Variants in PLEKHA7 observed in about 807,000 individuals in gnomAD.
The protein encoded by PLEKHA7 is pleckstrin homology domain containing A7, also known as pleckstrin homology domain-containing family A member 7.
Under a neutral mutation model 170.0 loss-of-function variants are expected in PLEKHA7, and 104 were observed. The observed-to-expected ratio is 0.61, with a 90% CI of 0.52 to 0.72. PLEKHA7 has a LOEUF of 0.72. Ranked by LOEUF, PLEKHA7 falls within the 30% of genes least tolerant of loss-of-function variation. The probability of loss-of-function intolerance (pLI) is 0.00; values close to 1 mark genes in which losing one functional copy is unlikely to be tolerated. For synonymous variants in PLEKHA7, 648 were observed against 660.8 expected (o/e 0.98, Z 0.30); for missense variants, 1,615 against 1,671.7 (o/e 0.97, Z 0.59).
chr11:16,866,795 T>C (rs1209228302), intron 4 of PLEKHA7, among the ~76,000 whole-genome samples: 1 of 152,138 alleles, frequency 6.6e-6, no homozygotes, highest in Non-Finnish European at 1.5e-5. Context: ...CTGGCCCCAT[T>C]AGATCACAGC....
chr11:17,002,980 T>A, intron 3 of PLEKHA7, among the ~76,000 whole-genome samples: 1 of 136,158 alleles, frequency 7.3e-6, no homozygotes, highest in African/African-American at 2.7e-5. Flanking sequence ...AGTACCAGAA[T>A]AGTTGTGCCT....
At chr11:16,829,288 T>C (rs1249012062) in intron 9 of PLEKHA7, among the ~76,000 whole-genome samples, 4 of 152,130 alleles carry the variant, frequency 2.6e-5, no homozygotes, top group Non-Finnish European at 4.4e-5. Flanking sequence ...GTTTTATGAT[T>C]ACAAGCGTGA....
At chr11:17,006,586 CACT>C (rs1865008252) in intron 3 of PLEKHA7, among the ~76,000 whole-genome samples, 2 of 147,488 alleles carry the variant, frequency 1.4e-5, no homozygotes, top group African/African-American at 5.0e-5. Flanking sequence ...GAGATGCCGC[CACT>C]GCACTCCAGC....
chr11:16,827,705 C>G (rs909409617), intron 9 of PLEKHA7, among the ~76,000 whole-genome samples: 1 of 151,908 alleles, frequency 6.6e-6, no homozygotes, highest in Non-Finnish European at 1.5e-5. Flanking sequence ...AGTGGCTCCA[C>G]AAGCTTTGCA....
intron 3 of PLEKHA7, among the ~76,000 whole-genome samples, 163 bp downstream of exon 3, chr11:17,013,826 C>T (rs1865476343): frequency 6.6e-6 from 1 of 152,212 alleles, no homozygotes; most frequent in African/African-American, 2.4e-5. Flanking sequence ...TCGGAGGCCG[C>T]CAAACAACTT....
chr11:16,843,319 T>C (rs1483939524), intron 8 of PLEKHA7, among the ~76,000 whole-genome samples: 1 of 152,204 alleles, frequency 6.6e-6, no homozygotes, highest in East Asian at 1.9e-4. Context: ...TGAGAACCAA[T>C]GAAAAACTAG....
chr11:16,889,420 A>AATAAT (rs1856468829), intron 3 of PLEKHA7, among the ~76,000 whole-genome samples: 1 of 74,686 alleles, frequency 1.3e-5, no homozygotes, highest in Non-Finnish European at 2.4e-5. Flanking sequence ...AAAAAAAAAA[A>AATAAT]ATATATATAT....
At chr11:16,854,648 T>A (rs1284986072) in intron 6 of PLEKHA7, among the ~76,000 whole-genome samples, 1 of 152,136 alleles carries the variant, frequency 6.6e-6, no homozygotes, top group African/African-American at 2.4e-5. Context: ...GGACAGCCAA[T>A]AGCACCAGGG....
chr11:16,894,723 C>A (rs1348965337), intron 3 of PLEKHA7, among the ~76,000 whole-genome samples: 1 of 152,084 alleles, frequency 6.6e-6, no homozygotes, highest in African/African-American at 2.4e-5. Context: ...TCCCCATAAC[C>A]CTAACAGAGA....
At chr11:16,810,780 C>T (rs1284359394) in intron 13 of PLEKHA7, among the ~76,000 whole-genome samples, 1 of 152,162 alleles carries the variant, frequency 6.6e-6, no homozygotes, top group Non-Finnish European at 1.5e-5. Context: ...CCTTTGGGTA[C>T]ACAGTGGTAG....
chr11:16,917,215 T>C (rs992503029), intron 3 of PLEKHA7, among the ~76,000 whole-genome samples: 21 of 152,014 alleles, frequency 1.4e-4, no homozygotes, highest in African/African-American at 5.1e-4. Flanking sequence ...CAAGACCCTG[T>C]CTCAAAAAAA....
intron 3 of PLEKHA7, among the ~76,000 whole-genome samples, chr11:16,882,381 C>A (rs1855775668): frequency 6.6e-6 from 1 of 152,156 alleles, no homozygotes; most frequent in African/African-American, 2.4e-5. Context: ...CTTTCACAAG[C>A]CTCCTCCAGG....
intron 3 of PLEKHA7, among the ~76,000 whole-genome samples, chr11:16,909,955 A>G (rs1028835436): frequency 2.0e-5 from 3 of 152,328 alleles, no homozygotes; most frequent in South Asian, 2.1e-4. Context: ...TGCAGAGACA[A>G]TGACCCTAAA....
intron 3 of PLEKHA7, among the ~76,000 whole-genome samples, chr11:16,918,895 TA>T (rs910924805): frequency 3.4e-5 from 5 of 148,578 alleles, no homozygotes; most frequent in African/African-American, 7.4e-5. Context: ...CATACTCACA[TA>T]AAAAAAAAAC....
chr11:16,882,599 A>G (rs964433841), intron 3 of PLEKHA7, among the ~76,000 whole-genome samples: 3 of 152,212 alleles, frequency 2.0e-5, no homozygotes, highest in Non-Finnish European at 2.9e-5. Context: ...GTCACAGAAG[A>G]GGTATACCCT....
In PLEKHA7 at chr11:16,820,979, A is replaced by G. The variant is rs533490009; in HGVS notation, c.1344-3657T>C. ...CCCATGCGAGCAAGTGGGTGCTTCC[A>G]GAGCAGCTTTGCCCCTAACAGCAGA... On this transcript the variant is annotated intron_variant, in intron 10 of 26. Transcript: ENST00000531066. Among the ~76,000 whole-genome samples, 22 of 152,286 alleles carry G rather than the reference A, an allele frequency of 1.4e-4. No individual in the cohort carries two copies. In the South Asian group the frequency reaches 2.1e-3, roughly 14 times the overall value.
intron 9 of PLEKHA7, among the ~76,000 whole-genome samples, chr11:16,828,343 C>T (rs1223677377): frequency 2.0e-5 from 3 of 152,158 alleles, no homozygotes; most frequent in African/African-American, 7.2e-5. Context: ...CTTCTCCTTC[C>T]TGCCATCATG....
chr11:16,966,285 CATGTATGTGTGT>C (rs1186506416), intron 3 of PLEKHA7, among the ~76,000 whole-genome samples: 3 of 125,644 alleles, frequency 2.4e-5, no homozygotes, highest in African/African-American at 6.3e-5. Context: ...CATGGTTGTG[CATGTATGTGTGT>C]GTGTGTGTGT....
intron 4 of PLEKHA7, among the ~76,000 whole-genome samples, chr11:16,858,968 G>A (rs1392381304): frequency 1.3e-5 from 2 of 152,136 alleles, no homozygotes; most frequent in African/African-American, 4.8e-5. Flanking sequence ...CAAGGAGTGC[G>A]GAAAGAATAC....
Sources: gnomAD v4.1 joint callset for allele counts (sites outside exome capture counted in the v4.1 genomes callset) on GRCh38, gnomAD v4.1.1 for gene constraint, MANE v1.5 for transcripts, NCBI Gene and HGNC (gene_info 2026-07-23, HGNC 2026-07-21) for gene names.